The following TSHZ3 variants were observed in gnomAD, a reference collection of about 807,000 sequenced individuals.
TSHZ3 encodes teashirt zinc finger homeobox 3, also known as teashirt homolog 3.
Under a neutral mutation model 64.5 loss-of-function variants are expected in TSHZ3, and 10 were observed. The observed-to-expected ratio is 0.16, with a 90% confidence interval of 0.10 to 0.26. The LOEUF (loss-of-function observed/expected upper bound fraction) is 0.26. Among genes scored for constraint, TSHZ3 ranks in the 10% least tolerant of loss-of-function variants. The pLI, the probability that TSHZ3 is intolerant of heterozygous loss-of-function variation, is 1.00. For synonymous variants in TSHZ3, 608 were observed against 593.1 expected (o/e 1.03, Z -0.36); for missense variants, 1,242 against 1,421.7 (o/e 0.87, Z 2.03).
intron 1 of TSHZ3, among the ~76,000 whole-genome samples, chr19:31,262,029 C>G (rs546529563): frequency 6.6e-6 from 1 of 152,190 alleles, no homozygotes; most frequent in Non-Finnish European, 1.5e-5. Context: ...TAGCCTTAAA[C>G]ACTTCTCTAG....
chr19:31,319,418 G>A (rs928777911), intron 1 of TSHZ3, among the ~76,000 whole-genome samples: 2 of 152,138 alleles, frequency 1.3e-5, no homozygotes, highest in African/African-American at 4.8e-5. Context: ...TCATATATAT[G>A]AAGATCACTT....
intron 4 of TSHZ3, among the ~76,000 whole-genome samples, chr19:31,218,069 AT>A (rs1975355383): frequency 6.6e-6 from 1 of 152,198 alleles, no homozygotes; most frequent in South Asian, 2.1e-4. Context: ...AAAATTAAAA[AT>A]TTCTCCTCTG....
chr19:31,162,817 G>A (rs1881333900), intron 5 of TSHZ3, among the ~76,000 whole-genome samples: 1 of 152,162 alleles, frequency 6.6e-6, no homozygotes, highest in African/African-American at 2.4e-5. Context: ...GCACAGCCAG[G>A]GGTGTCAACA....
chr19:31,281,224 C>T (rs1240145686), intron 1 of TSHZ3, among the ~76,000 whole-genome samples: 1 of 151,976 alleles, frequency 6.6e-6, no homozygotes, highest in Non-Finnish European at 1.5e-5. Context: ...ATCAGAAAAC[C>T]AACAACAACA....
intron 3 of TSHZ3, among the ~76,000 whole-genome samples, chr19:31,236,389 A>G (rs1975615520): frequency 6.6e-6 from 1 of 152,186 alleles, no homozygotes; most frequent in East Asian, 1.9e-4. Flanking sequence ...CCTGATGATT[A>G]GAGACACTGA....
intron 4 of TSHZ3, among the ~76,000 whole-genome samples, chr19:31,222,691 C>T (rs1975407055): frequency 6.6e-6 from 1 of 152,184 alleles, no homozygotes; most frequent in African/African-American, 2.4e-5. Context: ...ATAGGAGGTA[C>T]TCGGAAAATA....
At chr19:31,229,125 G>T (rs529918162) in intron 3 of TSHZ3, among the ~76,000 whole-genome samples, 1 of 152,070 alleles carries the variant, frequency 6.6e-6, no homozygotes. Flanking sequence ...ATTGTAAGGG[G>T]GCCATTGCCT....
intron 1 of TSHZ3, among the ~76,000 whole-genome samples, chr19:31,257,272 G>A (rs145600711): frequency 0.014 from 2,105 of 152,334 alleles, 147 homozygotes; most frequent in Admixed American, 0.12. Context: ...CAGAAGCTAA[G>A]CCCAGACACC....
chr19:31,226,973 C>CTTTTTTTTTTTTTTT (rs1255178594), intron 4 of TSHZ3, among the ~76,000 whole-genome samples: 1 of 68,158 alleles, frequency 1.5e-5, no homozygotes, highest in African/African-American at 9.0e-5. Flanking sequence ...TTCTTTCTTT[C>CTTTTTTTTTTTTTTT]TTTCTTTTTT....
intron 5 of TSHZ3, among the ~76,000 whole-genome samples, chr19:31,179,165 A>G (rs116615153): frequency 0.017 from 2,565 of 152,174 alleles, 70 homozygotes; most frequent in African/African-American, 0.058. Flanking sequence ...CTAACAGAAA[A>G]CAGCAAGGGA....
At chr19:31,153,454 G>C (rs145705145) in intron 6 of TSHZ3, among the ~76,000 whole-genome samples, 2 of 152,320 alleles carry the variant, frequency 1.3e-5, no homozygotes, top group African/African-American at 4.8e-5. Context: ...AGTTTTGGCA[G>C]AATAAGAAAC....
intron 1 of TSHZ3, among the ~76,000 whole-genome samples, chr19:31,315,987 C>T (rs1176332864): frequency 6.6e-6 from 1 of 152,052 alleles, no homozygotes; most frequent in Non-Finnish European, 1.5e-5. Flanking sequence ...CCATTCAGCA[C>T]TAATCAAGTA....
At chr19:31,328,397 G>C (rs1444717418) in intron 1 of TSHZ3, among the ~76,000 whole-genome samples, 1 of 152,270 alleles carries the variant, frequency 6.6e-6, no homozygotes, top group Non-Finnish European at 1.5e-5. Flanking sequence ...TCCCACACCA[G>C]GGATGGGCTC....
At chr19:31,282,215 T>C (rs568989986) in intron 1 of TSHZ3, among the ~76,000 whole-genome samples, 1 of 152,066 alleles carries the variant, frequency 6.6e-6, no homozygotes. Flanking sequence ...TCCCTCCCAC[T>C]GAGACTCAAG....
intron 1 of TSHZ3, among the ~76,000 whole-genome samples, chr19:31,268,423 C>G (rs1299537400): frequency 6.6e-6 from 1 of 152,124 alleles, no homozygotes; most frequent in Non-Finnish European, 1.5e-5. Context: ...AAACTCCTTC[C>G]AGAACCATGG....
At chr19:31,343,855 A>T (rs1917506018) in intron 1 of TSHZ3, among the ~76,000 whole-genome samples, 1 of 152,254 alleles carries the variant, frequency 6.6e-6, no homozygotes, top group Middle Eastern at 3.4e-3. Context: ...GGATTTAAAA[A>T]TTTAGTGACT....
intron 4 of TSHZ3, among the ~76,000 whole-genome samples, chr19:31,218,833 T>C (rs1975365064): frequency 6.6e-6 from 1 of 152,240 alleles, no homozygotes; most frequent in African/African-American, 2.4e-5. Context: ...GATTCTAACT[T>C]AAACCTTTAA....
At position 31,275,335 on chromosome 19, in the gene TSHZ3, T is replaced by A. The variant is rs1486404873; in HGVS notation, c.*1212A>T. On this transcript the variant is annotated 3_prime_UTR_variant, in exon 2 of 2. Coordinates refer to ENST00000240587, the MANE Select transcript of TSHZ3 (RefSeq NM_020856.4). ...AGGGCTTATAAATAAGTGAAAGAGGTTGGATCACAGAATGCCTCATGACTT... is the reference window on the plus strand; with the variant it reads ...AGGGCTTATAAATAAGTGAAAGAGGATGGATCACAGAATGCCTCATGACTT... 6.6e-6 allele frequency: 1 copy of A among 152,514 alleles called. No homozygotes were observed. The highest frequency in any genetic ancestry group is 2.4e-5 in the African/African-American group (1 of 41,406). 9.4% of individuals were successfully genotyped at this position (152,514 alleles called of 1,614,324 possible).
intron 4 of TSHZ3, among the ~76,000 whole-genome samples, chr19:31,216,740 G>A (rs970545512): frequency 3.3e-5 from 5 of 152,074 alleles, no homozygotes; most frequent in East Asian, 1.9e-4. Flanking sequence ...GGGTTCATGC[G>A]ATTCTCCTGC....
Sources: allele counts gnomAD v4.1 joint callset (sites outside exome capture counted in the v4.1 genomes callset), GRCh38; gene constraint gnomAD v4.1.1; transcripts MANE v1.5; gene names NCBI Gene and HGNC (gene_info 2026-07-23, HGNC 2026-07-21).